WASL: variants seen among roughly 807,000 people sequenced by gnomAD.
WASL encodes WASP like actin nucleation promoting factor, also known as actin nucleation-promoting factor WASL.
In WASL, 20 loss-of-function variants were observed where a neutral mutation model predicts 55.5. The observed-to-expected ratio is 0.36, with a 90% CI of 0.25 to 0.52. WASL has a LOEUF of 0.52. Among genes scored for constraint, WASL ranks in the 20% least tolerant of loss-of-function variants. The pLI is 0.92. For synonymous variants in WASL, 249 were observed against 217.6 expected, an observed-to-expected ratio of 1.14 and a Z score of -1.27; for missense variants, 504 against 622.5, an observed-to-expected ratio of 0.81 and a Z score of 2.03.
chr7:123,688,908 G>A, intron 10 of WASL, 134 bp downstream of exon 10: 1 of 807,552 alleles, frequency 1.2e-6, no homozygotes, highest in Non-Finnish European at 2.0e-6. Context: ...CACATCAGTA[G>A]TTACTCAATT....
rs1803256030 is a variant in WASL at position 123,684,507 on chromosome 7, A to AT, written c.*11dup. ...TCACCTTAAAAATATATATATATAT[A>AT]TAATATATAGATCAGTCTTCCCACT... is the stretch of plus-strand genomic sequence containing the variant. On this transcript the variant is annotated 3_prime_UTR_variant, in exon 11 of 11. Coordinates refer to ENST00000223023, the MANE Select transcript of WASL (RefSeq NM_003941.4). 1.5e-6 allele frequency: 1 copy of AT among 671,048 alleles called. No individual in the cohort carries two copies. The highest frequency in any genetic ancestry group is 2.5e-6 in the Non-Finnish European group (1 of 405,358). The allele number at this position is 671,048 out of a possible 1,614,324, so 41.6% of individuals were successfully genotyped here.
intron 1 of WASL, among the ~76,000 whole-genome samples, chr7:123,726,956 T>C (rs554004360): frequency 5.3e-5 from 8 of 152,226 alleles, no homozygotes; most frequent in African/African-American, 1.9e-4. Flanking sequence ...GTGTCCAGAA[T>C]ATATATAACA....
At chr7:123,707,511 A>G (rs1277562214) in intron 2 of WASL, among the ~76,000 whole-genome samples, 1 of 152,226 alleles carries the variant, frequency 6.6e-6, no homozygotes, top group Admixed American at 6.5e-5. Flanking sequence ...TCTTAATACC[A>G]AAGGTGACGA....
At chr7:123,739,145 T>C (rs1436164854) in intron 1 of WASL, among the ~76,000 whole-genome samples, 1 of 152,244 alleles carries the variant, frequency 6.6e-6, no homozygotes, top group Admixed American at 6.5e-5. Context: ...AGATCCTTCC[T>C]ATCTTGAAAT....
chr7:123,714,245 G>C (rs1803802523), intron 1 of WASL, among the ~76,000 whole-genome samples: 1 of 152,098 alleles, frequency 6.6e-6, no homozygotes, highest in Non-Finnish European at 1.5e-5. Context: ...CCTGAGAGTG[G>C]TGAGTATCAG....
chr7:123,686,021 C>A (rs1803281967), intron 10 of WASL, among the ~76,000 whole-genome samples: 1 of 150,718 alleles, frequency 6.6e-6, no homozygotes, highest in Non-Finnish European at 1.5e-5. Flanking sequence ...ATGTACAGAA[C>A]ACAGAACAAT....
chr7:123,745,753 C>T (rs1437905755), intron 1 of WASL, among the ~76,000 whole-genome samples: 1 of 151,862 alleles, frequency 6.6e-6, no homozygotes, highest in Non-Finnish European at 1.5e-5. Flanking sequence ...CAATTCATAC[C>T]TAAATCTGAG....
At chr7:123,703,219 T>C (rs1584860676) in intron 5 of WASL, among the ~76,000 whole-genome samples, 1 of 152,154 alleles carries the variant, frequency 6.6e-6, no homozygotes, top group Non-Finnish European at 1.5e-5. Context: ...CATAACATAG[T>C]GGTTAAAGGG....
chr7:123,746,105 C>G (rs1804426301), intron 1 of WASL, among the ~76,000 whole-genome samples: 1 of 152,132 alleles, frequency 6.6e-6, no homozygotes, highest in South Asian at 2.1e-4. Flanking sequence ...AGTTTGAACC[C>G]ACATTTGCTG....
At chr7:123,703,641 A>G (rs1803623714) in intron 5 of WASL, among the ~76,000 whole-genome samples, 1 of 152,182 alleles carries the variant, frequency 6.6e-6, no homozygotes, top group African/African-American at 2.4e-5. Flanking sequence ...ATACAGCAAC[A>G]TTTGGTTCAT....
rs1270581320 is a variant in WASL at position 123,696,739 on chromosome 7, G to C, written c.469C>G (p.Leu157Val). The change falls in exon 6 of 11, where the codon CTA (leucine) becomes GTA (valine). Residue 157 changes from leucine (L) to valine (V), a missense_variant. This residue lies in a region of WASL where 230 missense variants were observed against 271.9 expected (regional missense o/e 0.85). Transcript: ENST00000223023. Reference sequence around the variant, plus strand: ...TTTATATCAACTGTAGCCATGGGTAGATTAGGACCTGCAAATAAAACCAAA... The same window carrying C: ...TTTATATCAACTGTAGCCATGGGTACATTAGGACCTGCAAATAAAACCAAA... ...KRRDPPNGPN[L>V]PMATVDIKNP... 1 of 1,552,288 alleles carries C rather than the reference G, an allele frequency of 6.4e-7. No individual in the cohort carries two copies. The highest frequency in any genetic ancestry group is 1.4e-5 in the African/African-American group (1 of 72,458).
At chr7:123,731,140 T>C (rs930072324) in intron 1 of WASL, among the ~76,000 whole-genome samples, 6 of 152,104 alleles carry the variant, frequency 3.9e-5, no homozygotes, top group Admixed American at 1.3e-4. Context: ...CAAAGTATGC[T>C]TCAGAGTAAG....
Position 123,682,651 on chromosome 7 carries a change from A to T in WASL, c.*1868T>A, listed in dbSNP as rs958878275. 34 of 152,056 alleles carry T rather than the reference A, an allele frequency of 2.2e-4. No individual in the cohort carries two copies. The highest frequency in any genetic ancestry group is 7.7e-4 in the African/African-American group (32 of 41,400). The allele number at this position is 152,056 out of a possible 1,614,324, so 9.4% of individuals were successfully genotyped here. A position where few individuals can be genotyped will look rare whatever the true frequency, so the allele number is the denominator to read the frequency against. On this transcript the variant is annotated 3_prime_UTR_variant, in exon 11 of 11. Transcript: ENST00000223023. ...ATTTAAAATGTTTTTTATATTGTCA[A>T]AAAGAAAAAATTTTTTCAATTAACA...
At chr7:123,694,638 G>T (rs1803464582) in intron 8 of WASL, 77 bp downstream of exon 8, 5 of 1,467,254 alleles carry the variant, frequency 3.4e-6, no homozygotes, top group African/African-American at 1.6e-5. Flanking sequence ...TCACATGTAT[G>T]AATGTTAACT....
chr7:123,717,126 G>A (rs1483837230), intron 1 of WASL, among the ~76,000 whole-genome samples: 1 of 151,688 alleles, frequency 6.6e-6, no homozygotes, highest in Non-Finnish European at 1.5e-5. Context: ...TTGGGGCAGG[G>A]AAAATGGCAG....
At chr7:123,710,309 AAT>A (rs1803734781) in intron 1 of WASL, among the ~76,000 whole-genome samples, 1 of 150,868 alleles carries the variant, frequency 6.6e-6, no homozygotes, top group Non-Finnish European at 1.5e-5. Context: ...ATTTCATATA[AAT>A]ATATATTTTT....
chr7:123,742,429 C>T (rs984128160), intron 1 of WASL, among the ~76,000 whole-genome samples: 2 of 152,162 alleles, frequency 1.3e-5, no homozygotes, highest in African/African-American at 2.4e-5. Context: ...ACAGTAACCT[C>T]AATCTTGAAT....
intron 1 of WASL, among the ~76,000 whole-genome samples, chr7:123,709,569 G>A (rs1803723610): frequency 6.6e-6 from 1 of 152,084 alleles, no homozygotes; most frequent in Non-Finnish European, 1.5e-5. Context: ...CGACACTAAA[G>A]GGGTTAATTT....
chr7:123,739,027 TAGTC>T (rs1160801638), intron 1 of WASL, among the ~76,000 whole-genome samples: 1 of 152,222 alleles, frequency 6.6e-6, no homozygotes, highest in East Asian at 1.9e-4. Flanking sequence ...CCAGGTTTCT[TAGTC>T]AGATCTGATG....
Sources: allele counts gnomAD v4.1 joint callset (sites outside exome capture counted in the v4.1 genomes callset), GRCh38; gene constraint gnomAD v4.1.1; regional missense constraint gnomAD v4.1.1; transcripts MANE v1.5; gene names NCBI Gene and HGNC (gene_info 2026-07-23, HGNC 2026-07-21).